FAM184A: variants seen among roughly 807,000 people sequenced by gnomAD.
The protein encoded by FAM184A is protein FAM184A.
In FAM184A, 99 loss-of-function variants were observed where a neutral mutation model predicts 143.8. The observed-to-expected ratio is 0.69, with a 90% CI of 0.58 to 0.81. The LOEUF (loss-of-function observed/expected upper bound fraction) is 0.81. Ranked by LOEUF, FAM184A falls within the 40% of genes least tolerant of loss-of-function variation. The pLI is 0.00. For synonymous variants in FAM184A, 427 were observed against 446.4 expected, an observed-to-expected ratio of 0.96 and a Z score of 0.55; for missense variants, 1,217 against 1,310.5, an observed-to-expected ratio of 0.93 and a Z score of 1.10.
intron 1 of FAM184A, among the ~76,000 whole-genome samples, chr6:119,121,277 G>T (rs982840940): frequency 1.3e-5 from 2 of 151,998 alleles, no homozygotes; most frequent in Non-Finnish European, 2.9e-5. Context: ...GCCTACAGGT[G>T]CATGTCATCA....
intron 1 of FAM184A, among the ~76,000 whole-genome samples, chr6:119,134,461 G>A (rs1233952241): frequency 2.6e-5 from 4 of 152,010 alleles, no homozygotes; most frequent in African/African-American, 9.7e-5. Flanking sequence ...AGACCAGCCT[G>A]AGCAATGTAG....
chr6:119,034,816 ACTAC>A (rs2114715541), intron 1 of FAM184A, among the ~76,000 whole-genome samples: 1 of 152,298 alleles, frequency 6.6e-6, no homozygotes, highest in South Asian at 2.1e-4. Flanking sequence ...CTTTTCCTAT[ACTAC>A]CTTTCCCCCA....
intron 12 of FAM184A, 89 bp from the exon 13 acceptor site, chr6:118,975,297 G>T: frequency 2.1e-6 from 2 of 930,644 alleles, no homozygotes; most frequent in Non-Finnish European, 3.1e-6. Context: ...ACACTGGAAT[G>T]TCAAATGTAA....
chr6:118,994,310 T>C (rs1260849552), intron 9 of FAM184A, among the ~76,000 whole-genome samples: 1 of 150,558 alleles, frequency 6.6e-6, no homozygotes, highest in African/African-American at 2.4e-5. Context: ...TTCTTACTAC[T>C]GATTTCAATA....
In FAM184A at chr6:119,002,999, T is replaced by C. The variant is rs1784810970; in HGVS notation, c.1988A>G (p.Asp663Gly). 6.2e-7 allele frequency: 1 copy of C among 1,612,878 alleles called. No individual in the cohort carries two copies. Among genetic ancestry groups the C allele is most frequent in the African/African-American group, 1.3e-5 (1 of 75,002 alleles). The change falls in exon 9 of 18, where the codon GAT (aspartate) becomes GGT (glycine). Residue 663 changes from aspartate to glycine, a missense_variant. Physicochemically the swap from Asp to Gly is moderately conservative, Grantham distance 94 (BLOSUM62 -1). Transcript: ENST00000338891. Reference sequence around the variant, plus strand: ...AAGTTGAGACATTGCTGACTTCTTATCCTCTTCATGTTGAAGCCTTAACTC... The same window carrying C: ...AAGTTGAGACATTGCTGACTTCTTACCCTCTTCATGTTGAAGCCTTAACTC... ...REELRLQHEE[D>G]KKSAMSQLLQ...
chr6:119,097,102 T>C (rs1466456484), intron 1 of FAM184A, among the ~76,000 whole-genome samples: 1 of 152,152 alleles, frequency 6.6e-6, no homozygotes, highest in Non-Finnish European at 1.5e-5. Flanking sequence ...GAAGGAATAC[T>C]GGGGTCAGAA....
At chr6:119,072,160 C>T (rs1195506987) in intron 1 of FAM184A, among the ~76,000 whole-genome samples, 1 of 152,210 alleles carries the variant, frequency 6.6e-6, no homozygotes, top group Non-Finnish European at 1.5e-5. Context: ...GGGCACCCAA[C>T]CTAAACCTTT....
chr6:118,990,935 A>G (rs1364748425), intron 9 of FAM184A, among the ~76,000 whole-genome samples: 1 of 152,012 alleles, frequency 6.6e-6, no homozygotes, highest in Non-Finnish European at 1.5e-5. Context: ...TATGTTCCAG[A>G]AAACATCCTA....
intron 14 of FAM184A, among the ~76,000 whole-genome samples, chr6:118,973,011 AG>A (rs1783740865): frequency 6.6e-6 from 1 of 152,262 alleles, no homozygotes; most frequent in South Asian, 2.1e-4. Context: ...CAGAGTGACC[AG>A]GGAAGTAACA....
Position 119,078,605 on chromosome 6 carries a change from C to G in FAM184A, c.-306G>C, listed in dbSNP as rs901286678. The G allele has an allele frequency of 3.2e-5, 7 of 217,966 alleles. No homozygotes were observed. Among genetic ancestry groups the G allele is most frequent in the Admixed American group, 1.8e-4 (3 of 17,020 alleles). 13.5% of individuals were successfully genotyped at this position (217,966 alleles called of 1,614,324 possible). ...CTCGGCCCGCGCCTGGCGGAGGCGT[C>G]GAGGACAGCGCAGCTCCGCGGGTCC... On this transcript the variant is annotated 5_prime_UTR_variant, in exon 1 of 18. Transcript: ENST00000338891. This position sits in a 1 kb window ranked among gnomAD's most constrained non-coding sequence, Gnocchi z 5.5.
At chr6:119,089,567 C>T (rs1266180562) in intron 1 of FAM184A, among the ~76,000 whole-genome samples, 3 of 152,108 alleles carry the variant, frequency 2.0e-5, no homozygotes, top group Non-Finnish European at 4.4e-5. Context: ...CCTCCCAAAG[C>T]ACTGGGATTA....
At chr6:119,065,746 C>T (rs1024862493) in intron 1 of FAM184A, among the ~76,000 whole-genome samples, 1 of 152,154 alleles carries the variant, frequency 6.6e-6, no homozygotes, top group Admixed American at 6.5e-5. Context: ...CTCAAATCTC[C>T]TCCTCAGATT....
At chr6:119,109,126 T>TAG (rs56799782) in intron 1 of FAM184A, among the ~76,000 whole-genome samples, 4 of 151,332 alleles carry the variant, frequency 2.6e-5, no homozygotes, top group Admixed American at 2.6e-4. Flanking sequence ...CTTGGTCTTA[T>TAG]TGTTTTCTCA....
intron 1 of FAM184A, among the ~76,000 whole-genome samples, chr6:119,053,483 A>G (rs1344766858): frequency 6.6e-6 from 1 of 152,172 alleles, no homozygotes; most frequent in Non-Finnish European, 1.5e-5. Flanking sequence ...ACATCACCCC[A>G]AATTTCTCTA....
At chr6:119,058,209 A>T (rs946496798) in intron 1 of FAM184A, among the ~76,000 whole-genome samples, 1 of 110,502 alleles carries the variant, frequency 9.0e-6, no homozygotes, top group Non-Finnish European at 1.7e-5. Context: ...TTTGAGATAG[A>T]GTCTTGCTCT....
chr6:118,976,728 C>T (rs1008736781), intron 11 of FAM184A, among the ~76,000 whole-genome samples: 6 of 151,608 alleles, frequency 4.0e-5, no homozygotes, highest in Non-Finnish European at 7.4e-5. Flanking sequence ...TAGGAGGCAA[C>T]TTCTCACCCA....
At position 119,038,404 on chromosome 6, in the gene FAM184A, A is replaced by T. The variant is rs1375159103; in HGVS notation, c.160-13591T>A. Among the ~76,000 whole-genome samples, 3 of 152,278 alleles carry T rather than the reference A, an allele frequency of 2.0e-5. No homozygotes were observed. The East Asian group carries it at 5.8e-4, about 29-fold the overall frequency. On this transcript the variant is annotated intron_variant, in intron 1 of 17. Transcript: ENST00000338891. ...TCACAGGATGAGATAGGAGGTCATG[A>T]CAAAAGACAGGTCACAAAGACCTTG...
chr6:119,022,943 A>C lies in FAM184A; in HGVS notation c.1150+2T>G. Reference sequence around the variant, plus strand: ...TACATCAAAAACTGTGGTCACACATACTAGCTTTGAGGACAAGATCTGAAG... The same window carrying C: ...TACATCAAAAACTGTGGTCACACATCCTAGCTTTGAGGACAAGATCTGAAG... On this transcript the variant is annotated splice_donor_variant, in intron 3 of 17. Coordinates refer to ENST00000338891, the MANE Select transcript of FAM184A (RefSeq NM_024581.6). LOFTEE classifies it high-confidence loss of function. 5.6e-6 allele frequency: 9 copies of C among 1,614,156 alleles called. No homozygotes were observed. The highest frequency in any genetic ancestry group is 7.6e-6 in the Non-Finnish European group (9 of 1,180,004).
At chr6:119,017,451 T>C (rs1785299082) in intron 4 of FAM184A, among the ~76,000 whole-genome samples, 1 of 151,332 alleles carries the variant, frequency 6.6e-6, no homozygotes, top group African/African-American at 2.4e-5. Flanking sequence ...TGAGCTGAGA[T>C]TGCACCACTG....
Sources: gnomAD v4.1 joint callset for allele counts (sites outside exome capture counted in the v4.1 genomes callset) on GRCh38, gnomAD v4.1.1 for gene constraint, Gnocchi (gnomAD v3.1) non-coding constraint, MANE v1.5 for transcripts, NCBI Gene and HGNC (gene_info 2026-07-23, HGNC 2026-07-21) for gene names.